The following NAALADL2 variants were observed in gnomAD, a reference collection of about 807,000 sequenced individuals.
NAALADL2 encodes the protein inactive N-acetylated-alpha-linked acidic dipeptidase-like protein 2.
In NAALADL2, 76 loss-of-function variants were observed where a neutral mutation model predicts 87.2. The observed-to-expected ratio is 0.87, with a 90% CI of 0.72 to 1.05. The LOEUF (loss-of-function observed/expected upper bound fraction) is 1.05, where lower values mean the gene tolerates loss of function less well. Among genes scored for constraint, NAALADL2 ranks in the 50% least tolerant of loss-of-function variants. The pLI is 0.00. For synonymous variants in NAALADL2, 354 were observed against 331.0 expected (o/e 1.07, Z -0.75); for missense variants, 1,089 against 945.8 (o/e 1.15, Z -1.99).
At chr3:175,106,505 A>G (rs939423285) in intron 2 of NAALADL2, among the ~76,000 whole-genome samples, 5 of 152,090 alleles carry the variant, frequency 3.3e-5, no homozygotes, top group African/African-American at 1.2e-4. Flanking sequence ...CGTTCCAAAA[A>G]AGGAACAGGA....
At chr3:175,463,701 GGAGAGAGAGAGAGAGAGA>G (rs10591566) in intron 7 of NAALADL2, among the ~76,000 whole-genome samples, 1 of 115,486 alleles carries the variant, frequency 8.7e-6, no homozygotes, top group African/African-American at 3.9e-5. Context: ...CTTAGTCGGG[GGAGAGAGAGAGAGAGAGA>G]GAGAGAGAGA....
At chr3:175,455,064 T>C (rs959120826) in intron 6 of NAALADL2, among the ~76,000 whole-genome samples, 1 of 152,066 alleles carries the variant, frequency 6.6e-6, no homozygotes, top group Non-Finnish European at 1.5e-5. Flanking sequence ...GAGAGAGCAG[T>C]TGTAGGACCG....
chr3:174,587,229 A>G (rs539890701), intron 2 of NAALADL2, among the ~76,000 whole-genome samples: 1 of 152,122 alleles, frequency 6.6e-6, no homozygotes, highest in African/African-American at 2.4e-5. Context: ...AATCCAGTCT[A>G]TCATTGATGG....
intron 4 of NAALADL2, among the ~76,000 whole-genome samples, chr3:175,315,704 G>A (rs934042796): frequency 1.3e-5 from 2 of 152,114 alleles, no homozygotes; most frequent in African/African-American, 2.4e-5. Flanking sequence ...TAAAATTAGA[G>A]CTGAAAAGGA....
At chr3:175,462,709 T>C (rs1723328325) in intron 6 of NAALADL2, among the ~76,000 whole-genome samples, 1 of 152,314 alleles carries the variant, frequency 6.6e-6, no homozygotes, top group African/African-American at 2.4e-5. Flanking sequence ...AGAGACTATG[T>C]CAGTTCTGTG....
intron 5 of NAALADL2, among the ~76,000 whole-genome samples, chr3:175,418,155 T>G (rs1715001590): frequency 6.6e-6 from 1 of 152,102 alleles, no homozygotes; most frequent in Non-Finnish European, 1.5e-5. Context: ...TTAGGTATTT[T>G]TGAGGTTATG....
At chr3:175,485,904 C>T (rs551965988) in intron 9 of NAALADL2, among the ~76,000 whole-genome samples, 1 of 152,292 alleles carries the variant, frequency 6.6e-6, no homozygotes, top group Admixed American at 6.5e-5. Flanking sequence ...CTTGCTTTTC[C>T]TCTTTGTTCT....
chr3:175,191,973 A>T (rs1738275881), intron 2 of NAALADL2, among the ~76,000 whole-genome samples: 1 of 151,498 alleles, frequency 6.6e-6, no homozygotes. Context: ...GTTCTCCCCA[A>T]AATGAAATAA....
intron 9 of NAALADL2, among the ~76,000 whole-genome samples, chr3:175,517,625 AG>A (rs1420770852): frequency 1.3e-5 from 2 of 152,202 alleles, no homozygotes; most frequent in African/African-American, 2.4e-5. Flanking sequence ...ACAACAAAAC[AG>A]GTAATGAAGT....
chr3:175,364,974 T>A (rs146002743), intron 5 of NAALADL2, among the ~76,000 whole-genome samples: 1 of 147,702 alleles, frequency 6.8e-6, no homozygotes, highest in East Asian at 2.0e-4. Flanking sequence ...TGTTGGAAAA[T>A]CTGATACTGT....
intron 2 of NAALADL2, among the ~76,000 whole-genome samples, chr3:175,155,310 G>T (rs1031007942): frequency 6.6e-6 from 1 of 152,132 alleles, no homozygotes; most frequent in Non-Finnish European, 1.5e-5. Flanking sequence ...CCTGTTTTGT[G>T]TAACAGCTGT....
At chr3:174,556,402 C>A (rs1360319164) in intron 2 of NAALADL2, among the ~76,000 whole-genome samples, 1 of 152,024 alleles carries the variant, frequency 6.6e-6, no homozygotes, top group Admixed American at 6.6e-5. Context: ...ACGTATTAAT[C>A]TTTCCCATTT....
At chr3:175,765,064 C>T (rs1038676771) in intron 13 of NAALADL2, among the ~76,000 whole-genome samples, 1 of 151,772 alleles carries the variant, frequency 6.6e-6, no homozygotes, top group Non-Finnish European at 1.5e-5. Context: ...TTTCTTTAGA[C>T]TATGAAAAAA....
At chr3:175,060,989 T>C (rs1251496714) in intron 1 of NAALADL2, among the ~76,000 whole-genome samples, 1 of 152,114 alleles carries the variant, frequency 6.6e-6, no homozygotes, top group African/African-American at 2.4e-5. Context: ...GAGGTTGCAG[T>C]GAGCTGAGAT....
chr3:174,667,333 A>T (rs1046050721), intron 2 of NAALADL2, among the ~76,000 whole-genome samples: 2 of 152,094 alleles, frequency 1.3e-5, no homozygotes, highest in African/African-American at 4.8e-5. Context: ...GGGAAGAAGC[A>T]AGGGTTTCCT....
chr3:175,056,484 G>A (rs1008536144), intron 1 of NAALADL2, among the ~76,000 whole-genome samples: 10 of 151,924 alleles, frequency 6.6e-5, no homozygotes, highest in Admixed American at 1.3e-4. Context: ...ACCTGGATTC[G>A]AGCCCCCACG....
chr3:174,970,897 A>C (rs187013357), intron 1 of NAALADL2, among the ~76,000 whole-genome samples: 31 of 152,290 alleles, frequency 2.0e-4, no homozygotes, highest in African/African-American at 6.5e-4. Flanking sequence ...ATAAGAAAGG[A>C]GTGGCATTGT....
intron 10 of NAALADL2, among the ~76,000 whole-genome samples, chr3:175,581,592 T>G (rs933352212): frequency 6.6e-6 from 1 of 152,246 alleles, no homozygotes. Flanking sequence ...GTATTTTTCT[T>G]TGGAGCTACA....
chr3:175,642,909 T>C (rs1729498497), intron 11 of NAALADL2, among the ~76,000 whole-genome samples: 1 of 152,160 alleles, frequency 6.6e-6, no homozygotes, highest in African/African-American at 2.4e-5. Context: ...GATTCAGGTA[T>C]ATGTTTTGAA....
Sources: gnomAD v4.1 joint callset for allele counts (sites outside exome capture counted in the v4.1 genomes callset) on GRCh38, gnomAD v4.1.1 for gene constraint, MANE v1.5 for transcripts, NCBI Gene and HGNC (gene_info 2026-07-23, HGNC 2026-07-21) for gene names.